SLC38A2: variants seen among roughly 807,000 people sequenced by gnomAD.
SLC38A2 encodes the protein sodium-coupled neutral amino acid symporter 2.
A neutral mutation model predicts 61.5 loss-of-function variants in SLC38A2; 11 were observed. That is an observed-to-expected ratio of 0.18 (90% CI 0.11 to 0.30). The LOEUF (loss-of-function observed/expected upper bound fraction) is 0.30, where lower values mean the gene tolerates loss of function less well. SLC38A2 is among the 10% of genes least tolerant of loss of function. The pLI is 1.00. For missense variants in SLC38A2, 522 were observed against 600.4 expected (o/e 0.87, Z 1.36); for synonymous variants, 217 against 212.5 (o/e 1.02, Z -0.18).
At position 46,367,289 on chromosome 12, in the gene SLC38A2, A is replaced by G; in HGVS notation, c.366T>C (p.Leu122=). 1 of 1,603,410 alleles carries G rather than the reference A, an allele frequency of 6.2e-7. No individual in the cohort carries two copies. Among genetic ancestry groups the G allele is most frequent in the Non-Finnish European group, 8.5e-7 (1 of 1,170,506 alleles). ...TACCTCCTTCATTGGCAGTCTTCAA[A>G]AGGAGATGAACAGAATACAGGGAAA... ...SIFSLYSVHL[L]LKTANEGGSL... is the part of the protein sequence containing the mutation. Residue 122 remains leucine (L), a synonymous_variant, in exon 5 of 16, where the codon CTT becomes CTC. Transcript: ENST00000256689.
rs773343163 is a variant in SLC38A2 at position 46,362,521 on chromosome 12, T to C, written c.1297A>G (p.Thr433Ala). ...ATAAAACCAAAGATATCCCTAATAG[T>C]TGGGACAAAGATGACAAGTAAATTG... ...FTNLLVIFVP[T>A]IRDIFGFIGA... The change falls in exon 14 of 16, where the codon ACT (threonine) becomes GCT (alanine). Residue 433 changes from threonine to alanine, a missense_variant. Physicochemically the swap from Thr to Ala is moderately conservative, Grantham distance 58. Transcript: ENST00000256689. The C allele has an allele frequency of 1.3e-6, 2 of 1,598,354 alleles. No homozygotes were observed. Among genetic ancestry groups the C allele is most frequent in the Non-Finnish European group, 1.7e-6 (2 of 1,176,096 alleles).
intron 8 of SLC38A2, 86 bp from the exon 9 acceptor site, chr12:46,364,788 C>T: frequency 7.4e-7 from 1 of 1,352,906 alleles, no homozygotes; most frequent in South Asian, 1.3e-5. Flanking sequence ...TAACTCAATT[C>T]TGCTGGGAAG....
In SLC38A2 at chr12:46,364,800, C is replaced by T. The variant is rs1439711917; in HGVS notation, c.647-98G>A. The stretch of plus-strand genomic sequence containing the variant: ...GAATAACTCAATTCTGCTGGGAAGA[C>T]TTTAGGCACTAAAGTATGTGTATAG... On this transcript the variant is annotated intron_variant, in intron 8 of 15. Transcript: ENST00000256689. 6.8e-6 allele frequency: 8 copies of T among 1,180,720 alleles called. No homozygotes were observed. In the African/African-American group the frequency reaches 1.1e-4, roughly 16 times the overall value. 73.1% of individuals were successfully genotyped at this position (1,180,720 alleles called of 1,614,324 possible).
intron 7 of SLC38A2, among the ~76,000 whole-genome samples, chr12:46,366,384 G>A (rs1294908470): frequency 1.3e-5 from 2 of 152,062 alleles, no homozygotes. Context: ...CACCTGTCAC[G>A]AGATCAGGTG....
At chr12:46,369,643 T>C (rs1943173762) in intron 4 of SLC38A2, among the ~76,000 whole-genome samples, 1 of 152,212 alleles carries the variant, frequency 6.6e-6, no homozygotes, top group Non-Finnish European at 1.5e-5. Flanking sequence ...ACTTAAGGGC[T>C]ATGACACAAA....
chr12:46,367,885 C>T (rs1421307892), intron 4 of SLC38A2, among the ~76,000 whole-genome samples: 1 of 152,130 alleles, frequency 6.6e-6, no homozygotes, highest in Non-Finnish European at 1.5e-5. Context: ...GTAATCCCAG[C>T]ACTCTAGGAG....
chr12:46,365,473 A>G (rs1407105172), intron 7 of SLC38A2, among the ~76,000 whole-genome samples: 1 of 152,114 alleles, frequency 6.6e-6, no homozygotes. Context: ...ATGCTTCTCA[A>G]AGACTTGATA....
intron 15 of SLC38A2, 26 bp from the exon 16 acceptor site, chr12:46,361,235 T>A (rs372290138): frequency 1.9e-6 from 3 of 1,576,040 alleles, no homozygotes; most frequent in Non-Finnish European, 2.6e-6. Flanking sequence ...AGAAAATTGA[T>A]CAGCAAGTAA....
chr12:46,369,199 C>T (rs1182650431), intron 4 of SLC38A2, among the ~76,000 whole-genome samples: 1 of 152,160 alleles, frequency 6.6e-6, no homozygotes, highest in Non-Finnish European at 1.5e-5. Context: ...AGTTTTTATA[C>T]CAAGTGCTAA....
chr12:46,361,944 T>A (rs1221191655), intron 15 of SLC38A2: 9 of 189,984 alleles, frequency 4.7e-5, no homozygotes, highest in African/African-American at 7.1e-5. Context: ...CTTTTATATA[T>A]TCAATGCCCA....
At chr12:46,369,760 G>A (rs145194542) in intron 4 of SLC38A2, among the ~76,000 whole-genome samples, 5 of 152,162 alleles carry the variant, frequency 3.3e-5, no homozygotes, top group Middle Eastern at 3.4e-3. Flanking sequence ...AGTCAGTGAC[G>A]CAAAAATGGC....
At chr12:46,362,196 C>G (rs1943088780) in intron 15 of SLC38A2, 88 bp downstream of exon 15, 2 of 1,072,238 alleles carry the variant, frequency 1.9e-6, no homozygotes, top group South Asian at 3.6e-5. Flanking sequence ...GAAACCATAA[C>G]AAATAACAGC....
chr12:46,370,380 C>T, intron 4 of SLC38A2, 132 bp downstream of exon 4: 2 of 675,228 alleles, frequency 3.0e-6, no homozygotes, highest in South Asian at 3.7e-5. Flanking sequence ...TTTGGGGTTT[C>T]TCATACTTTT....
intron 2 of SLC38A2, 132 bp downstream of exon 2, chr12:46,371,045 GA>G: frequency 1.1e-6 from 1 of 884,604 alleles, no homozygotes; most frequent in Admixed American, 2.2e-5. Context: ...AAGATAATCG[GA>G]TACTCTTTCA....
intron 5 of SLC38A2, 21 bp downstream of exon 5, chr12:46,367,246 A>G: frequency 6.3e-7 from 1 of 1,591,096 alleles, no homozygotes; most frequent in Non-Finnish European, 8.6e-7. Context: ...TGTTTTAGAA[A>G]AATCAAGAAT....
rs771107829 is a variant in SLC38A2, at chr12:46,358,808, C to T, written c.*2303G>A. 6.6e-6 allele frequency: 1 copy of T among 152,558 alleles called. No homozygotes were observed. The highest frequency in any genetic ancestry group is 1.5e-5 in the Non-Finnish European group (1 of 68,030). 9.5% of individuals were successfully genotyped at this position (152,558 alleles called of 1,614,324 possible). On this transcript the variant is annotated 3_prime_UTR_variant, in exon 16 of 16. Transcript: ENST00000256689. Reference sequence around the variant, plus strand: ...TAATGTTGTTCTATAAATAACATTACAGTTGTAACTGAAACATCCACGGAA... The same window carrying T: ...TAATGTTGTTCTATAAATAACATTATAGTTGTAACTGAAACATCCACGGAA...
At chr12:46,369,421 T>G (rs574096966) in intron 4 of SLC38A2, among the ~76,000 whole-genome samples, 2 of 152,228 alleles carry the variant, frequency 1.3e-5, no homozygotes, top group East Asian at 3.8e-4. Flanking sequence ...AAGCAGAGAT[T>G]TGCAAAGGTC....
intron 4 of SLC38A2, among the ~76,000 whole-genome samples, chr12:46,369,935 G>C (rs921500236): frequency 1.3e-5 from 2 of 152,164 alleles, no homozygotes; most frequent in East Asian, 3.9e-4. Flanking sequence ...TGTGGCAATC[G>C]AACAGGTCTG....
chr12:46,371,929 C>G (rs1164992018), intron 1 of SLC38A2, among the ~76,000 whole-genome samples: 1 of 152,212 alleles, frequency 6.6e-6, no homozygotes, highest in African/African-American at 2.4e-5. Flanking sequence ...GGCGAACGCC[C>G]GGGCCCCGGG....
Sources: gnomAD v4.1 joint callset for allele counts (sites outside exome capture counted in the v4.1 genomes callset) on GRCh38, gnomAD v4.1.1 for gene constraint, MANE v1.5 for transcripts, NCBI Gene and HGNC (gene_info 2026-07-23, HGNC 2026-07-21) for gene names.